The following FBXL13 variants were observed in gnomAD, a reference collection of about 807,000 sequenced individuals.
FBXL13 encodes F-box and leucine rich repeat protein 13.
In FBXL13, 67 loss-of-function variants were observed where a neutral mutation model predicts 83.6. The ratio of observed to expected loss-of-function variants is 0.80; its 90% CI spans 0.66 to 0.98. The LOEUF (loss-of-function observed/expected upper bound fraction) is 0.98. Among genes scored for constraint, FBXL13 ranks in the 50% least tolerant of loss-of-function variants. The probability of loss-of-function intolerance (pLI) is 0.00; values close to 1 mark genes in which losing one functional copy is unlikely to be tolerated. For missense variants in FBXL13, 822 were observed against 866.5 expected, an observed-to-expected ratio of 0.95 and a Z score of 0.64; for synonymous variants, 272 against 299.5, an observed-to-expected ratio of 0.91 and a Z score of 0.95.
At chr7:103,069,789 T>C (rs1185226305) in intron 1 of FBXL13, among the ~76,000 whole-genome samples, 1 of 152,180 alleles carries the variant, frequency 6.6e-6, no homozygotes, top group Non-Finnish European at 1.5e-5. Context: ...AAGAAATTAC[T>C]AGGTATGGGC....
chr7:102,957,941 G>A (rs1239058399), intron 8 of FBXL13, among the ~76,000 whole-genome samples: 5 of 152,160 alleles, frequency 3.3e-5, no homozygotes, highest in Admixed American at 1.3e-4. Context: ...GTTGGTTGGA[G>A]TGTAAATTAG....
chr7:103,012,084 A>G (rs1054056386), intron 6 of FBXL13, among the ~76,000 whole-genome samples: 1 of 152,122 alleles, frequency 6.6e-6, no homozygotes, highest in Admixed American at 6.5e-5. Context: ...GAAAGAAAAA[A>G]GGCAGCTAGG....
chr7:102,922,289 T>C (rs959882327), intron 10 of FBXL13, among the ~76,000 whole-genome samples: 9 of 152,154 alleles, frequency 5.9e-5, no homozygotes, highest in Middle Eastern at 6.8e-3. Flanking sequence ...AAACAATACT[T>C]ATCAAGTTAT....
chr7:102,980,562 G>A (rs190948827), intron 6 of FBXL13, among the ~76,000 whole-genome samples: 123 of 152,294 alleles, frequency 8.1e-4, no homozygotes, highest in Non-Finnish European at 1.5e-3. Context: ...CGAATCACGA[G>A]GTCAGGAGAT....
At position 102,990,990 on chromosome 7, in the gene FBXL13, T is replaced by C. The variant is rs1033140786; in HGVS notation, c.496-22873A>G. Among the ~76,000 whole-genome samples, 4 of 152,172 alleles carry C rather than the reference T, an allele frequency of 2.6e-5. No homozygotes were observed. In the East Asian group the frequency reaches 7.7e-4, roughly 29 times the overall value. ...CAGGAAGTGACATGAATAAATGTGA[T>C]CTGAGAAAGACAACTCTGGTGGACA... On this transcript the variant is annotated intron_variant, in intron 6 of 19. Coordinates refer to ENST00000313221, the Ensembl canonical transcript of FBXL13.
chr7:102,877,074 G>A (rs935104675), intron 16 of FBXL13, among the ~76,000 whole-genome samples: 48 of 152,232 alleles, frequency 3.2e-4, no homozygotes, highest in Middle Eastern at 6.8e-3. Context: ...CTAGAGTTTA[G>A]TCTTGAACTA....
At chr7:102,932,845 T>C (rs965111250) in intron 8 of FBXL13, among the ~76,000 whole-genome samples, 2 of 152,158 alleles carry the variant, frequency 1.3e-5, no homozygotes, top group Admixed American at 1.3e-4. Context: ...TCTGACTGCC[T>C]CAGCCTCCCA....
intron 17 of FBXL13, among the ~76,000 whole-genome samples, chr7:102,834,032 T>TGAAGGAAGGAAGGAAGGAAGGAAG (rs199540401): frequency 1.6e-4 from 12 of 75,468 alleles, no homozygotes; most frequent in Non-Finnish European, 1.9e-4. Flanking sequence ...GAAACCATGA[T>TGAAGGAAGGAAGGAAGGAAGGAAG]GAAGGAAGGA....
At chr7:102,842,736 G>A (rs1803180440) in intron 17 of FBXL13, among the ~76,000 whole-genome samples, 1 of 152,148 alleles carries the variant, frequency 6.6e-6, no homozygotes, top group Non-Finnish European at 1.5e-5. Context: ...GTACTCCTGG[G>A]CCTTTCTGAC....
chr7:103,010,566 A>G (rs1386101354), intron 6 of FBXL13, among the ~76,000 whole-genome samples: 2 of 152,040 alleles, frequency 1.3e-5, no homozygotes, highest in Non-Finnish European at 2.9e-5. Flanking sequence ...ACCTCAGTCT[A>G]TAGTGCAGTA....
chr7:102,903,168 T>G (rs1008579440), intron 11 of FBXL13, among the ~76,000 whole-genome samples: 1 of 152,160 alleles, frequency 6.6e-6, no homozygotes, highest in Non-Finnish European at 1.5e-5. Context: ...TTATTTAACT[T>G]AATGTATGGT....
At chr7:103,040,604 C>G (rs1372391818) in intron 2 of FBXL13, among the ~76,000 whole-genome samples, 2 of 152,132 alleles carry the variant, frequency 1.3e-5, no homozygotes, top group South Asian at 2.1e-4. Flanking sequence ...TGTAAAAGAA[C>G]AGAAATCACA....
chr7:103,029,718 T>C (rs1394777604), intron 2 of FBXL13, among the ~76,000 whole-genome samples: 2 of 152,128 alleles, frequency 1.3e-5, no homozygotes, highest in African/African-American at 2.4e-5. Context: ...TTTATAATAG[T>C]ATAGAATTGC....
chr7:102,874,920 CT>C (rs1487883465), intron 16 of FBXL13, among the ~76,000 whole-genome samples: 4 of 152,208 alleles, frequency 2.6e-5, no homozygotes, highest in African/African-American at 7.2e-5. Flanking sequence ...AATATACAGT[CT>C]TTAAAAATAA....
At chr7:102,859,610 G>A (rs1046087690) in intron 16 of FBXL13, among the ~76,000 whole-genome samples, 3 of 151,936 alleles carry the variant, frequency 2.0e-5, no homozygotes, top group African/African-American at 4.8e-5. Flanking sequence ...AGAGTGGAGT[G>A]GGAAGACAGG....
intron 11 of FBXL13, among the ~76,000 whole-genome samples, chr7:102,910,492 T>C (rs1814482120): frequency 6.6e-6 from 1 of 151,968 alleles, no homozygotes; most frequent in Non-Finnish European, 1.5e-5. Flanking sequence ...TCAGCGTGGC[T>C]CGGGCTCCAA....
chr7:103,056,657 C>T (rs1321793517), intron 1 of FBXL13, among the ~76,000 whole-genome samples: 3 of 152,034 alleles, frequency 2.0e-5, no homozygotes, highest in Non-Finnish European at 4.4e-5. Flanking sequence ...AGGGTTTCAC[C>T]ATGTTGGCCA....
chr7:102,992,994 T>C (rs1829740114), intron 6 of FBXL13, among the ~76,000 whole-genome samples: 1 of 152,236 alleles, frequency 6.6e-6, no homozygotes, highest in Admixed American at 6.5e-5. Flanking sequence ...AAAAATCAAC[T>C]GTTCCCAAAG....
chr7:102,876,565 A>G (rs776330180), intron 16 of FBXL13, among the ~76,000 whole-genome samples: 2 of 149,822 alleles, frequency 1.3e-5, no homozygotes, highest in Non-Finnish European at 2.9e-5. Flanking sequence ...ACGAAGGATA[A>G]ACACATAACA....
Sources: gnomAD v4.1 joint callset for allele counts (sites outside exome capture counted in the v4.1 genomes callset) on GRCh38, gnomAD v4.1.1 for gene constraint, MANE v1.5 for transcripts, NCBI Gene and HGNC (gene_info 2026-07-23, HGNC 2026-07-21) for gene names.